Variants in MYH11 observed in about 807,000 individuals in gnomAD.
MYH11 encodes the protein myosin-11.
A neutral mutation model predicts 246.6 loss-of-function variants in MYH11; 80 were observed. That is an observed-to-expected ratio of 0.32 (90% CI 0.27 to 0.39). The LOEUF (loss-of-function observed/expected upper bound fraction) is 0.39. Among genes scored for constraint, MYH11 ranks in the 10% least tolerant of loss-of-function variants. The pLI is 1.00. For synonymous variants in MYH11, 1,071 were observed against 1,015.5 expected, an observed-to-expected ratio of 1.05 and a Z score of -1.04; for missense variants, 2,158 against 2,546.8, an observed-to-expected ratio of 0.85 and a Z score of 3.29.
At position 15,747,704 on chromosome 16, in the gene MYH11, G is replaced by C. The variant is rs140550319; in HGVS notation, c.2277C>G (p.Asn759Lys). ...LMIKALELDP[N>K]LYRIGQSKIF... ...TTTTGCTCTGCCCTATCCTGTATAAGTTGGGGTCAAGTTCCAGGGCTTTGA... is the reference window on the plus strand; with the variant it reads ...TTTTGCTCTGCCCTATCCTGTATAACTTGGGGTCAAGTTCCAGGGCTTTGA... Residue 759 changes from asparagine to lysine, a missense_variant, in exon 19 of 41, where the codon AAC (asparagine) becomes AAG (lysine). This residue lies in a region of MYH11 where 56 missense variants were observed against 47.2 expected (regional missense o/e 1.19). Transcript: ENST00000300036. 12 of 1,613,992 alleles carry C rather than the reference G, an allele frequency of 7.4e-6. No individual in the cohort carries two copies. In the African/African-American group the frequency reaches 1.6e-4, roughly 22 times the overall value.
chr16:15,726,251 G>A (rs1269570588), intron 28 of MYH11: 1 of 154,830 alleles, frequency 6.5e-6, no homozygotes, highest in Non-Finnish European at 1.4e-5. Context: ...GAGTCCTACT[G>A]GGGCAGCGAC....
intron 28 of MYH11, chr16:15,725,934 C>T (rs887859862): frequency 2.4e-5 from 9 of 372,452 alleles, no homozygotes; most frequent in Admixed American, 9.2e-5. Context: ...CAAGCTCCCC[C>T]TCCAACCCCA....
chr16:15,817,607 A>G (rs78243093), intron 3 of MYH11, among the ~76,000 whole-genome samples: 20,975 of 152,162 alleles, frequency 0.14, 1,488 homozygotes, highest in East Asian at 0.15. Flanking sequence ...TTCTCTTCCC[A>G]TACCCTCAAG....
At chr16:15,834,787 C>T (rs71378208) in intron 2 of MYH11, among the ~76,000 whole-genome samples, 4,494 of 152,078 alleles carry the variant, frequency 0.03, 68 homozygotes, top group Middle Eastern at 0.055. Context: ...TTAATAGTTA[C>T]GGCCAGGCAC....
intron 26 of MYH11, 91 bp from the exon 27 acceptor site, chr16:15,732,799 C>A: frequency 6.8e-7 from 1 of 1,476,700 alleles, no homozygotes. Context: ...TTCCAGGACC[C>A]AGAGCTGCAG....
At chr16:15,747,051 G>A (rs903059874) in intron 19 of MYH11, among the ~76,000 whole-genome samples, 1 of 151,954 alleles carries the variant, frequency 6.6e-6, no homozygotes, top group African/African-American at 2.4e-5. Flanking sequence ...CTGCGCCACT[G>A]CACTCCAGCC....
rs375133214 is a variant in MYH11 at position 15,753,494 on chromosome 16, C to T, written c.1764G>A (p.Ala588=). The change falls in exon 15 of 41, where the codon GCG becomes GCA. Residue 588 remains alanine, a synonymous_variant. Coordinates refer to ENST00000300036, the MANE Select transcript of MYH11 (RefSeq NM_002474.3). The part of the protein sequence containing the change: ...IHYAGKVDYN[A]SAWLTKNMDP... ...CCATATTCTTGGTCAGCCAGGCACT[C>T]GCATTATAGTCCACCTGCCAAGGAC... is the stretch of plus-strand genomic sequence containing the variant. 2.2e-5 allele frequency: 36 copies of T among 1,613,968 alleles called. No individual in the cohort carries two copies. The highest frequency in any genetic ancestry group is 8.0e-5 in the African/African-American group (6 of 74,918).
intron 24 of MYH11, 104 bp from the exon 25 acceptor site, chr16:15,737,724 C>T: frequency 2.4e-6 from 3 of 1,225,954 alleles, no homozygotes; most frequent in Non-Finnish European, 3.5e-6. Context: ...GAACACATCC[C>T]CCAATCAGTA....
intron 25 of MYH11, among the ~76,000 whole-genome samples, chr16:15,735,875 G>A (rs537647594): frequency 2.0e-5 from 3 of 152,360 alleles, no homozygotes; most frequent in African/African-American, 7.2e-5. Context: ...GACTGGCAAG[G>A]TACCTGGTCA....
rs1399204712 is a variant in MYH11 at position 15,786,623 on chromosome 16, C to T, written c.633+7G>A. On this transcript the variant is annotated splice_region_variant and intron_variant, in intron 5 of 40. Coordinates refer to ENST00000300036, the MANE Select transcript of MYH11 (RefSeq NM_002474.3). Reference sequence around the variant, plus strand: ...ATCATGGCCTCTGATTGGGAACTGCCACTCACCGTGATACTTGTGTCTTTC... The same window carrying T: ...ATCATGGCCTCTGATTGGGAACTGCTACTCACCGTGATACTTGTGTCTTTC... 8 of 1,613,218 alleles carry T rather than the reference C, an allele frequency of 5.0e-6. No individual in the cohort carries two copies. The highest frequency in any genetic ancestry group is 6.8e-6 in the Non-Finnish European group (8 of 1,179,312).
At chr16:15,838,332 A>C in intron 1 of MYH11, 63 bp from the exon 2 acceptor site, 1 of 1,331,742 alleles carries the variant, frequency 7.5e-7, no homozygotes, top group Non-Finnish European at 1.1e-6. Flanking sequence ...CAGACCAACC[A>C]CTCACCTTGC....
Position 15,776,062 on chromosome 16 carries a change from A to T in MYH11, c.889+16T>A, listed in dbSNP as rs767470485. 8.3e-6 allele frequency: 13 copies of T among 1,572,896 alleles called. No individual in the cohort carries two copies. In the East Asian group the frequency reaches 2.7e-4, roughly 32 times the overall value. ...GGCTCAAGCCATCCAATCACATGTC[A>T]TTGCTAGTCACTTACTTCTCATCTT... is the stretch of plus-strand genomic sequence containing the variant. On this transcript the variant is annotated intron_variant, in intron 8 of 40. Transcript: ENST00000300036.
intron 3 of MYH11, among the ~76,000 whole-genome samples, chr16:15,821,888 GC>G (rs1229178065): frequency 2.6e-5 from 3 of 113,406 alleles, no homozygotes; most frequent in Admixed American, 1.6e-4. Flanking sequence ...ACTGCAGTCC[GC>G]AGTCCGGCCT....
intron 15 of MYH11, among the ~76,000 whole-genome samples, chr16:15,751,113 A>G (rs1256560232): frequency 1.4e-5 from 2 of 142,346 alleles, no homozygotes; most frequent in East Asian, 2.1e-4. Flanking sequence ...CTCAACAAAA[A>G]GTAGGTATTA....
chr16:15,724,173 C>T lies in MYH11; in HGVS notation c.4353G>A (p.Arg1451=), dbSNP rs1463240400. The T allele has an allele frequency of 4.3e-6, 7 of 1,613,602 alleles. No homozygotes were observed. Among genetic ancestry groups the T allele is most frequent in the Non-Finnish European group, 5.9e-6 (7 of 1,180,046 alleles). The change falls in exon 31 of 41, where the codon AGG becomes AGA. Residue 1451 remains arginine (R), a synonymous_variant. Transcript: ENST00000300036. The stretch of plus-strand genomic sequence containing the variant: ...CCACGCCCTCTACCTGATCAAATTT[C>T]CTCTGCTTCTTTTCCAGGTTGGACA... ...QLVSNLEKKQ[R]KFDQLLAEEK...
At chr16:15,779,655 A>G (rs901183618) in intron 6 of MYH11, among the ~76,000 whole-genome samples, 1 of 152,174 alleles carries the variant, frequency 6.6e-6, no homozygotes, top group African/African-American at 2.4e-5. Context: ...ACAGGTGAGT[A>G]TGCATTGGCC....
intron 36 of MYH11, 105 bp from the exon 37 acceptor site, chr16:15,718,543 G>T: frequency 6.9e-7 from 1 of 1,444,634 alleles, no homozygotes; most frequent in South Asian, 1.3e-5. Flanking sequence ...TCATCTAATG[G>T]GTGAAACTGA....
intron 16 of MYH11, 152 bp from the exon 17 acceptor site, chr16:15,748,320 A>C: frequency 2.3e-6 from 3 of 1,306,740 alleles, no homozygotes; most frequent in Non-Finnish European, 3.2e-6. Context: ...CCGAGGGGCA[A>C]AGCAGTGCCC....
intron 4 of MYH11, 119 bp from the exon 5 acceptor site, chr16:15,786,851 C>T: frequency 1.0e-6 from 1 of 974,600 alleles, no homozygotes; most frequent in Non-Finnish European, 1.6e-6. Flanking sequence ...GAAACAGAGG[C>T]TCCCAGAGGG....
Sources: gnomAD v4.1 joint callset for allele counts (sites outside exome capture counted in the v4.1 genomes callset) on GRCh38, gnomAD v4.1.1 for gene constraint, gnomAD v4.1.1 regional missense constraint, MANE v1.5 for transcripts, NCBI Gene and HGNC (gene_info 2026-07-23, HGNC 2026-07-21) for gene names.